Variants in TNS1 observed in about 807,000 individuals in gnomAD.
The protein encoded by TNS1 is tensin-1.
TNS1 carries 62 observed loss-of-function variants against 168.6 expected under a neutral mutation model. The ratio of observed to expected loss-of-function variants is 0.37; its 90% CI spans 0.30 to 0.45. The LOEUF (loss-of-function observed/expected upper bound fraction) is 0.45. Ranked by LOEUF, TNS1 falls within the 20% of genes least tolerant of loss-of-function variation. The pLI, the probability that TNS1 is intolerant of heterozygous loss-of-function variation, is 1.00. For synonymous variants in TNS1, 934 were observed against 933.2 expected (o/e 1.00, Z -0.02); for missense variants, 2,240 against 2,339.4 (o/e 0.96, Z 0.88).
chr2:217,838,424 G>C (rs543379243), intron 19 of TNS1, among the ~76,000 whole-genome samples: 1 of 152,328 alleles, frequency 6.6e-6, no homozygotes, highest in South Asian at 2.1e-4. Flanking sequence ...GCCATCTGAG[G>C]GTGAGCTGCA....
upstream of TNS1, among the ~76,000 whole-genome samples, chr2:218,012,378 C>G (rs900615660): frequency 6.6e-6 from 1 of 152,130 alleles, no homozygotes; most frequent in African/African-American, 2.4e-5. Flanking sequence ...ATGAGAGACA[C>G]TCAACAAACA....
chr2:217,980,504 C>CAGAGAGAGAGAGAG (rs1217065280), intron 2 of TNS1, among the ~76,000 whole-genome samples: 9 of 131,232 alleles, frequency 6.9e-5, no homozygotes, highest in African/African-American at 2.3e-4. Flanking sequence ...CCTACACACA[C>CAGAGAGAGAGAGAG]ACAGAGAGAG....
At chr2:217,886,719 C>A in intron 12 of TNS1, 73 bp from the exon 13 acceptor site, 1 of 1,205,414 alleles carries the variant, frequency 8.3e-7, no homozygotes, top group Non-Finnish European at 1.2e-6. Flanking sequence ...CTCTCTTTTC[C>A]AAGAACATTG....
At chr2:217,834,130 T>G (rs949643218) in intron 21 of TNS1, among the ~76,000 whole-genome samples, 1 of 152,208 alleles carries the variant, frequency 6.6e-6, no homozygotes, top group Non-Finnish European at 1.5e-5. Context: ...GGGCCACCAA[T>G]CAGTCACAGC....
intron 3 of TNS1, among the ~76,000 whole-genome samples, chr2:217,951,270 C>T (rs760220699): frequency 1.4e-4 from 21 of 152,264 alleles, no homozygotes; most frequent in Non-Finnish European, 2.5e-4. Flanking sequence ...AATGTTGGCT[C>T]CCCAGACATT....
chr2:217,901,158 G>A (rs570017929), intron 6 of TNS1, among the ~76,000 whole-genome samples: 1 of 152,174 alleles, frequency 6.6e-6, no homozygotes, highest in South Asian at 2.1e-4. Flanking sequence ...TAAGCAAATG[G>A]GCCCAATCCA....
At chr2:217,862,423 T>G (rs1250710612) in intron 18 of TNS1, among the ~76,000 whole-genome samples, 2 of 152,170 alleles carry the variant, frequency 1.3e-5, no homozygotes, top group Non-Finnish European at 2.9e-5. Flanking sequence ...CTGTACCCCC[T>G]GAGGTGGCCC....
intron 32 of TNS1, among the ~76,000 whole-genome samples, chr2:217,807,325 T>C (rs1939333177): frequency 6.6e-6 from 1 of 152,212 alleles, no homozygotes; most frequent in African/African-American, 2.4e-5. Flanking sequence ...GTTATGCCTA[T>C]ATTTTGTTTG....
chr2:217,948,354 C>T lies in TNS1; in HGVS notation c.187-28118G>A, dbSNP rs1414334474. ...TCACAGAGAAGGAAGGGCCACATGCCCAGGTCCCAAGGGGAGAGGCCACTG... is the reference window on the plus strand; with the variant it reads ...TCACAGAGAAGGAAGGGCCACATGCTCAGGTCCCAAGGGGAGAGGCCACTG... On this transcript the variant is annotated intron_variant, in intron 3 of 32. Transcript: ENST00000682258. The surrounding 1 kb of genome is among the most constrained non-coding windows in gnomAD (Gnocchi z 4.1). Among the ~76,000 whole-genome samples, 6 of 152,270 alleles carry T rather than the reference C, an allele frequency of 3.9e-5. No individual in the cohort carries two copies. Among genetic ancestry groups the T allele is most frequent in the South Asian group, 4.1e-4 (2 of 4,820 alleles).
chr2:218,015,455 C>T (rs1958749430), intron 1 of TNS1, among the ~76,000 whole-genome samples: 2 of 152,110 alleles, frequency 1.3e-5, no homozygotes, highest in South Asian at 4.1e-4. Context: ...ACTACTAGCC[C>T]AGGTCTCTGA....
chr2:217,809,685 T>C, intron 30 of TNS1, 138 bp downstream of exon 30: 1 of 903,240 alleles, frequency 1.1e-6, no homozygotes, highest in Non-Finnish European at 1.7e-6. Context: ...GGGAGGTAGA[T>C]GCAAGATAGA....
chr2:218,010,386 G>T, exon 1 of TNS1: 1 of 391,340 alleles, frequency 2.6e-6, no homozygotes, highest in African/African-American at 2.1e-5. Flanking sequence ...GGGAGGAGCG[G>T]CGCGGGAGGC....
chr2:218,016,332 C>A (rs1239322997), intron 1 of TNS1, among the ~76,000 whole-genome samples: 1 of 152,150 alleles, frequency 6.6e-6, no homozygotes, highest in Non-Finnish European at 1.5e-5. Context: ...GAGCTAGAGA[C>A]ACCAGGAGGG....
At position 217,818,203 on chromosome 2, in the gene TNS1, C is replaced by T. The variant is rs1413618010; in HGVS notation, c.4129G>A (p.Gly1377Ser). The T allele has an allele frequency of 6.2e-7, 1 of 1,613,796 alleles. No individual in the cohort carries two copies. The highest frequency in any genetic ancestry group is 1.3e-5 in the African/African-American group (1 of 75,006). ...VATTPGSPSLGRHPGAHQGNL... is the reference protein window; with the variant it reads ...VATTPGSPSLSRHPGAHQGNL... ...CCTTGGTGAGCCCCAGGGTGCCGGC[C>T]CAGGCTGGGACTCCCCGGGGTGGTG... Residue 1377 changes from glycine (G) to serine (S), a missense_variant, in exon 24 of 33, where the codon GGC becomes AGC. By Grantham distance (56) the Gly-to-Ser change is moderately conservative (BLOSUM62 0). Coordinates refer to ENST00000682258, the MANE Select transcript of TNS1 (RefSeq NM_001387777.1).
chr2:218,031,135 T>TATGA (rs1553628684), intron 1 of TNS1, among the ~76,000 whole-genome samples: 33,391 of 139,734 alleles, frequency 0.24, 5,757 homozygotes, highest in African/African-American at 0.49. Context: ...TCTGTGTGTG[T>TATGA]GTGTGTATGT....
At chr2:217,841,253 T>C in intron 19 of TNS1, 1 of 985,010 alleles carries the variant, frequency 1.0e-6, no homozygotes, top group Non-Finnish European at 1.2e-6. Flanking sequence ...AAGCTGCCAC[T>C]GTGTCCGATG....
At chr2:217,979,065 A>T in intron 2 of TNS1, 2 of 405,448 alleles carry the variant, frequency 4.9e-6, no homozygotes. Flanking sequence ...GGGTGCGGGA[A>T]GGTGGGGGGA....
At chr2:217,816,677 T>C (rs1373978565) in intron 24 of TNS1, among the ~76,000 whole-genome samples, 1 of 152,118 alleles carries the variant, frequency 6.6e-6, no homozygotes, top group Non-Finnish European at 1.5e-5. Flanking sequence ...GCAGGGAAGA[T>C]GGTGGGAAAC....
chr2:217,805,742 TACCACCACACATACAC>T (rs1230600736), intron 32 of TNS1, among the ~76,000 whole-genome samples: 3 of 11,184 alleles, frequency 2.7e-4, no homozygotes, highest in Non-Finnish European at 6.9e-4. Flanking sequence ...ACACCACACA[TACCACCACACATACAC>T]ACCACACACC....
Sources: allele counts gnomAD v4.1 joint callset (sites outside exome capture counted in the v4.1 genomes callset), GRCh38; gene constraint gnomAD v4.1.1; non-coding constraint Gnocchi (gnomAD v3.1); transcripts MANE v1.5; gene names NCBI Gene and HGNC (gene_info 2026-07-23, HGNC 2026-07-21).